Variants in SOX5 observed in about 807,000 individuals in gnomAD.
SOX5 encodes the protein SRY-box transcription factor 5.
SOX5 carries 9 observed loss-of-function variants against 92.0 expected under a neutral mutation model. The observed-to-expected ratio is 0.10, with a 90% CI of 0.06 to 0.17. The LOEUF (loss-of-function observed/expected upper bound fraction) is 0.17. Among genes scored for constraint, SOX5 ranks in the 10% least tolerant of loss-of-function variants. SOX5 has a pLI of 1.00. For missense variants in SOX5, 642 were observed against 944.5 expected, an observed-to-expected ratio of 0.68 and a Z score of 4.20; for synonymous variants, 344 against 336.3, an observed-to-expected ratio of 1.02 and a Z score of -0.25.
At chr12:24,431,686 A>G (rs1179723552) in intron 1 of SOX5, among the ~76,000 whole-genome samples, 1 of 152,236 alleles carries the variant, frequency 6.6e-6, no homozygotes, top group Non-Finnish European at 1.5e-5. Flanking sequence ...CAGAAACTTC[A>G]TACCAGTGAG....
chr12:23,564,309 C>T (rs1946708524), intron 10 of SOX5, among the ~76,000 whole-genome samples: 1 of 152,196 alleles, frequency 6.6e-6, no homozygotes, highest in Non-Finnish European at 1.5e-5. Flanking sequence ...TACGTTAGTA[C>T]TGAGGGAAAA....
chr12:23,944,830 T>G (rs1297519265), intron 1 of SOX5, among the ~76,000 whole-genome samples: 2 of 152,192 alleles, frequency 1.3e-5, no homozygotes, highest in Non-Finnish European at 2.9e-5. Context: ...TTGAAAATCT[T>G]TTTATCTTAC....
chr12:24,100,612 A>C (rs1207967851), intron 4 of SOX5, among the ~76,000 whole-genome samples: 2 of 152,078 alleles, frequency 1.3e-5, no homozygotes, highest in East Asian at 3.8e-4. Context: ...TGCCACTTTT[A>C]TGTGCTTCTG....
chr12:24,285,317 T>C (rs1945735584), intron 2 of SOX5, among the ~76,000 whole-genome samples: 1 of 152,170 alleles, frequency 6.6e-6, no homozygotes, highest in Non-Finnish European at 1.5e-5. Flanking sequence ...ATGGTACCCT[T>C]TCAACAGCAT....
At chr12:23,685,033 C>T (rs975551806) in intron 6 of SOX5, among the ~76,000 whole-genome samples, 2 of 152,084 alleles carry the variant, frequency 1.3e-5, no homozygotes, top group African/African-American at 4.8e-5. Context: ...TCTTCCTTGA[C>T]TATTTCTCAT....
At chr12:23,942,534 T>G (rs1312986656) in intron 1 of SOX5, among the ~76,000 whole-genome samples, 1 of 151,922 alleles carries the variant, frequency 6.6e-6, no homozygotes, top group African/African-American at 2.4e-5. Flanking sequence ...TTTCCCTTCT[T>G]TTCTTGAAAA....
intron 8 of SOX5, among the ~76,000 whole-genome samples, chr12:23,629,706 T>C (rs577469037): frequency 6.6e-6 from 1 of 152,158 alleles, no homozygotes; most frequent in East Asian, 1.9e-4. Context: ...GTTAGAATGA[T>C]AGGTTGTTTG....
At chr12:23,599,336 T>A (rs1461656888) in intron 9 of SOX5, among the ~76,000 whole-genome samples, 1 of 152,244 alleles carries the variant, frequency 6.6e-6, no homozygotes, top group Non-Finnish European at 1.5e-5. Flanking sequence ...GAAATATTTC[T>A]TTTCCTTGTC....
Position 23,704,715 on chromosome 12 carries a change from T to TATATATAC in SOX5, c.810+29968_810+29969insGTATATAT, listed in dbSNP as rs1434949526. On this transcript the variant is annotated intron_variant, in intron 6 of 14. Transcript: ENST00000451604. Reference sequence around the variant, plus strand: ...ATATATATATATATATATATATATATACACACACACACACACATACACACA... The same window carrying TATATATAC: ...ATATATATATATATATATATATATATATATATACACACACACACACACACATACACACA... 5.9e-3 allele frequency among the ~76,000 whole-genome samples: 638 copies of TATATATAC among 108,270 alleles called. 7 individuals carry two copies. Among genetic ancestry groups the TATATATAC allele is most frequent in the African/African-American group, 0.019 (590 of 30,932 alleles). 71.0% of individuals were successfully genotyped at this position (108,270 alleles called of 152,430 possible). A position where few individuals can be genotyped will look rare whatever the true frequency, so the allele number is the denominator to read the frequency against.
chr12:24,135,761 G>C (rs1015948222), intron 4 of SOX5, among the ~76,000 whole-genome samples: 1 of 152,114 alleles, frequency 6.6e-6, no homozygotes, highest in South Asian at 2.1e-4. Flanking sequence ...CGGAGAATGA[G>C]AGTTCATGAG....
At position 23,895,922 on chromosome 12, in the gene SOX5, G is replaced by A; in HGVS notation, c.141C>T (p.Leu47=). The A allele has an allele frequency of 1.9e-6, 3 of 1,613,928 alleles. No individual in the cohort carries two copies. Among genetic ancestry groups the A allele is most frequent in the Non-Finnish European group, 1.7e-6 (2 of 1,179,834 alleles). Residue 47 remains leucine, a synonymous_variant, in exon 2 of 15, where the codon CTC becomes CTT. Transcript: ENST00000451604. ...CATGCAAGGGAAGGTGAAAGGCTGGGAGCCCGTCACTCTCCTCTTCTTCCA... is the reference window on the plus strand; with the variant it reads ...CATGCAAGGGAAGGTGAAAGGCTGGAAGCCCGTCACTCTCCTCTTCTTCCA... ...QKVEEEESDG[L]PAFHLPLHVS...
At chr12:23,906,209 C>T (rs546654032) in intron 1 of SOX5, among the ~76,000 whole-genome samples, 1 of 152,182 alleles carries the variant, frequency 6.6e-6, no homozygotes, top group African/African-American at 2.4e-5. Flanking sequence ...CTTCAGCCAT[C>T]TACAGGTTAA....
At chr12:24,449,285 C>G (rs1004257788) in intron 1 of SOX5, among the ~76,000 whole-genome samples, 6 of 152,326 alleles carry the variant, frequency 3.9e-5, no homozygotes, top group Middle Eastern at 3.4e-3. Context: ...TCTCCAAACT[C>G]TTCTTACTAT....
intron 6 of SOX5, among the ~76,000 whole-genome samples, chr12:23,700,979 A>G (rs1293782711): frequency 6.6e-6 from 1 of 151,770 alleles, no homozygotes; most frequent in East Asian, 1.9e-4. Context: ...ACAAACACAC[A>G]CATATATCTC....
intron 4 of SOX5, among the ~76,000 whole-genome samples, chr12:24,086,524 T>C (rs903177325): frequency 1.3e-5 from 2 of 151,916 alleles, no homozygotes; most frequent in Non-Finnish European, 2.9e-5. Flanking sequence ...GAGTAAACTG[T>C]CATGTTTTAA....
At chr12:24,402,824 T>G (rs1206769722) in intron 1 of SOX5, among the ~76,000 whole-genome samples, 2 of 152,234 alleles carry the variant, frequency 1.3e-5, no homozygotes, top group East Asian at 3.8e-4. Flanking sequence ...TAGGAACCCA[T>G]GCAAGCTTCG....
At chr12:24,263,871 G>A (rs975495609) in intron 3 of SOX5, among the ~76,000 whole-genome samples, 1 of 152,052 alleles carries the variant, frequency 6.6e-6, no homozygotes, top group Admixed American at 6.5e-5. Flanking sequence ...CTGCACACTT[G>A]TACTTTCTAG....
rs551775371 is a variant in SOX5, at chr12:24,251,548, G to A, written c.-77+25668C>T. On this transcript the variant is annotated intron_variant, in intron 3 of 4. Transcript: ENST00000446891. Reference sequence around the variant, plus strand: ...TTTGAGGAGATATCCTTGTCCTATTGAACTAGGATGGTTAGGGTTTTTTGT... The same window carrying A: ...TTTGAGGAGATATCCTTGTCCTATTAAACTAGGATGGTTAGGGTTTTTTGT... 3.3e-5 allele frequency among the ~76,000 whole-genome samples: 5 copies of A among 151,014 alleles called. No homozygotes were observed. The East Asian group carries it at 7.8e-4, about 23-fold the overall frequency.
intron 4 of SOX5, among the ~76,000 whole-genome samples, chr12:24,095,128 C>CAGAGAGAGAGAGAG (rs764681203): frequency 1.1e-4 from 10 of 90,228 alleles, no homozygotes; most frequent in South Asian, 8.9e-4. Context: ...CACACACACA[C>CAGAGAGAGAGAGAG]AGAGAGAGAG....
Sources: gnomAD v4.1 joint callset for allele counts (sites outside exome capture counted in the v4.1 genomes callset) on GRCh38, gnomAD v4.1.1 for gene constraint, MANE v1.5 for transcripts, NCBI Gene and HGNC (gene_info 2026-07-23, HGNC 2026-07-21) for gene names.